The following PSME4 variants were observed in gnomAD, a reference collection of about 807,000 sequenced individuals.
PSME4 encodes proteasome activator complex subunit 4.
PSME4 carries 89 observed loss-of-function variants against 253.9 expected under a neutral mutation model. That is an observed-to-expected ratio of 0.35 (90% CI 0.30 to 0.42). The LOEUF (loss-of-function observed/expected upper bound fraction) is 0.42. Ranked by LOEUF, PSME4 falls within the 10% of genes least tolerant of loss-of-function variation. The pLI is 1.00. For synonymous variants in PSME4, 851 were observed against 759.2 expected (o/e 1.12, Z -1.99); for missense variants, 2,014 against 2,195.2 (o/e 0.92, Z 1.65).
chr2:53,903,345 T>C (rs1045269774), intron 27 of PSME4, among the ~76,000 whole-genome samples: 2 of 152,168 alleles, frequency 1.3e-5, no homozygotes, highest in Admixed American at 6.5e-5. Flanking sequence ...TTAGTAACTT[T>C]GACATTTCCT....
Position 53,899,944 on chromosome 2 carries a change from A to C in PSME4, c.3359T>G (p.Leu1120Arg). Residue 1120 changes from leucine to arginine, a missense_variant, in exon 29 of 47, where the codon CTT becomes CGT. By Grantham distance (102) the Leu-to-Arg change is moderately radical. Transcript: ENST00000404125. ...SKNPSINQIL[L>R]SPEKIKEGIK... ...TCCTTCCTTAATTTTTTCTGGGCTA[A>C]GCAATATCTGGTTGATAGAGGGGTT... The C allele has an allele frequency of 6.2e-7, 1 of 1,613,520 alleles. No individual in the cohort carries two copies. The highest frequency in any genetic ancestry group is 8.5e-7 in the Non-Finnish European group (1 of 1,179,446).
rs1337360919 is a variant in PSME4 at position 53,970,563 on chromosome 2, G to A, written c.222C>T (p.Phe74=). The change falls in exon 1 of 47, where the codon TTC becomes TTT. Residue 74 remains phenylalanine (F), a synonymous_variant. Transcript: ENST00000404125. ...CTTACGTGGAGAGTTTCCTGGTCCAGAAGAGGCCCCCGGGCCACAGCTCTT... is the reference window on the plus strand; with the variant it reads ...CTTACGTGGAGAGTTTCCTGGTCCAAAAGAGGCCCCCGGGCCACAGCTCTT... ...QLQELWPGGL[F]WTRKLSTYIR... is the part of the protein sequence containing the mutation. The A allele has an allele frequency of 6.5e-7, 1 of 1,548,300 alleles. No homozygotes were observed. Among genetic ancestry groups the A allele is most frequent in the Non-Finnish European group, 8.7e-7 (1 of 1,146,824 alleles).
At chr2:53,901,628 ACCTATG>A in intron 27 of PSME4, 69 bp from the exon 28 acceptor site, 3 of 1,292,944 alleles carry the variant, frequency 2.3e-6, no homozygotes, top group African/African-American at 3.0e-5. Flanking sequence ...TAGCCAATGC[ACCTATG>A]TATTGGTTTT....
At chr2:53,950,827 G>C (rs1669947068) in intron 1 of PSME4, among the ~76,000 whole-genome samples, 1 of 129,018 alleles carries the variant, frequency 7.8e-6, no homozygotes, top group South Asian at 2.4e-4. Context: ...GGCAACAAGA[G>C]AGAAACTCCG....
At chr2:53,880,419 A>G (rs1386509734) in intron 41 of PSME4, among the ~76,000 whole-genome samples, 3 of 152,086 alleles carry the variant, frequency 2.0e-5, no homozygotes, top group Non-Finnish European at 4.4e-5. Context: ...ACATAGCAAG[A>G]TATCATCTCT....
At chr2:53,936,262 T>C in intron 6 of PSME4, 101 bp from the exon 7 acceptor site, 4 of 1,516,226 alleles carry the variant, frequency 2.6e-6, no homozygotes, top group Non-Finnish European at 2.7e-6. Context: ...CAATCATTAG[T>C]GCAATCTACT....
At chr2:53,903,881 C>A in intron 27 of PSME4, 144 bp downstream of exon 27, 15 of 627,518 alleles carry the variant, frequency 2.4e-5, no homozygotes, top group African/African-American at 7.5e-5. Context: ...AAAAAAAGAA[C>A]AGATATGCGA....
Position 53,869,548 on chromosome 2 carries a change from T to A in PSME4, c.5101-10A>T, listed in dbSNP as rs756702513. The A allele has an allele frequency of 6.7e-7, 1 of 1,483,682 alleles. No individual in the cohort carries two copies. The highest frequency in any genetic ancestry group is 1.8e-5 in the Admixed American group (1 of 55,822). 91.9% of individuals were successfully genotyped at this position (1,483,682 alleles called of 1,614,324 possible). On this transcript the variant is annotated splice_polypyrimidine_tract_variant and intron_variant, in intron 43 of 46. Coordinates refer to ENST00000404125, the MANE Select transcript of PSME4 (RefSeq NM_014614.3). Reference sequence around the variant, plus strand: ...CAGCCATTTCTCGAACCTGTAGATATAATAATTTCTATTAGGACTGACATT... The same window carrying A: ...CAGCCATTTCTCGAACCTGTAGATAAAATAATTTCTATTAGGACTGACATT...
At chr2:53,949,407 G>T in intron 1 of PSME4, 124 bp from the exon 2 acceptor site, 1 of 514,396 alleles carries the variant, frequency 1.9e-6, no homozygotes. Context: ...AGGATGAATG[G>T]ATAAGGAAAA....
At position 53,910,116 on chromosome 2, in the gene PSME4, A is replaced by T; in HGVS notation, c.2531T>A (p.Val844Glu). 2 of 1,606,740 alleles carry T rather than the reference A, an allele frequency of 1.2e-6. No individual in the cohort carries two copies. The highest frequency in any genetic ancestry group is 1.7e-6 in the Non-Finnish European group (2 of 1,173,286). ...EPVTNLVPSM[V>E]SLEETKLYTG... ...ATACAACTTTGTCTCTTCCAAGGAC[A>T]CCATACTTGGTACTCTGTATAAAAA... is the stretch of plus-strand genomic sequence containing the variant. The change falls in exon 21 of 47, where the codon GTG (valine) becomes GAG (glutamate). Residue 844 changes from valine (V) to glutamate (E), a missense_variant. Coordinates refer to ENST00000404125, the MANE Select transcript of PSME4 (RefSeq NM_014614.3).
chr2:53,913,884 C>CT (rs761772721), intron 20 of PSME4, among the ~76,000 whole-genome samples: 10 of 152,232 alleles, frequency 6.6e-5, no homozygotes, highest in Non-Finnish European at 1.2e-4. Flanking sequence ...GGAGTAGTAA[C>CT]TGTTTCCTTT....
rs1669870658 is a variant in PSME4, at chr2:53,949,383, T to C, written c.243-100A>G. 12 of 637,904 alleles carry C rather than the reference T, an allele frequency of 1.9e-5. No individual in the cohort carries two copies. The East Asian group carries it at 3.8e-4, about 20-fold the overall frequency. The allele number at this position is 637,904 out of a possible 1,614,324, so 39.5% of individuals were successfully genotyped here. On this transcript the variant is annotated intron_variant, in intron 1 of 46. Coordinates refer to ENST00000404125, the MANE Select transcript of PSME4 (RefSeq NM_014614.3). ...TAGAAGCCAAGATGTAGATGCAACC[T>C]GAATGGCCACAGAAGGATGAATGGA... is the stretch of plus-strand genomic sequence containing the variant.
At chr2:53,907,006 A>G in intron 24 of PSME4, 138 bp from the exon 25 acceptor site, 1 of 687,506 alleles carries the variant, frequency 1.5e-6, no homozygotes, top group Non-Finnish European at 2.4e-6. Context: ...CCTTTATTCT[A>G]AAGACATCAG....
At chr2:53,925,792 G>A in intron 13 of PSME4, 103 bp from the exon 14 acceptor site, 1 of 1,284,762 alleles carries the variant, frequency 7.8e-7, no homozygotes, top group East Asian at 2.3e-5. Context: ...TCAAGTGATA[G>A]CTACTTAATT....
chr2:53,878,361 C>T (rs1042545036), intron 41 of PSME4, among the ~76,000 whole-genome samples: 1 of 152,144 alleles, frequency 6.6e-6, no homozygotes, highest in Non-Finnish European at 1.5e-5. Flanking sequence ...ATGAATGTCG[C>T]CTCAGGACCC....
chr2:53,895,460 G>T, intron 33 of PSME4, 123 bp downstream of exon 33: 1 of 974,792 alleles, frequency 1.0e-6, no homozygotes, highest in South Asian at 1.7e-5. Flanking sequence ...AAGAAAGAGA[G>T]GACTAGGGAA....
At chr2:53,924,629 TTTTA>T (rs1268513795) in intron 14 of PSME4, among the ~76,000 whole-genome samples, 4 of 152,154 alleles carry the variant, frequency 2.6e-5, no homozygotes, top group Non-Finnish European at 2.9e-5. Flanking sequence ...TGTTTCTTTT[TTTTA>T]TTTATTATAC....
chr2:53,936,090 T>A lies in PSME4; in HGVS notation c.831A>T (p.Pro277=), dbSNP rs752822488. The change falls in exon 7 of 47, where the codon CCA becomes CCT. Residue 277 remains proline, a synonymous_variant. Coordinates refer to ENST00000404125, the MANE Select transcript of PSME4 (RefSeq NM_014614.3). Reference sequence around the variant, plus strand: ...TTTTCCCCAAAATGTTAATTACCTTTGGTACATATGGATCCCAATCTATGT... The same window carrying A: ...TTTTCCCCAAAATGTTAATTACCTTAGGTACATATGGATCCCAATCTATGT... ...IGYIDWDPYV[P]KIFTRILRSL... is the part of the protein sequence containing the mutation. 1 of 1,612,006 alleles carries A rather than the reference T, an allele frequency of 6.2e-7. No homozygotes were observed. Among genetic ancestry groups the A allele is most frequent in the Admixed American group, 1.7e-5 (1 of 59,728 alleles).
At chr2:53,946,930 G>T (rs1669739352) in intron 3 of PSME4, among the ~76,000 whole-genome samples, 1 of 151,750 alleles carries the variant, frequency 6.6e-6, no homozygotes, top group African/African-American at 2.4e-5. Context: ...AGGAAGGAAG[G>T]AAGGGAGAGA....
Sources: allele counts gnomAD v4.1 joint callset (sites outside exome capture counted in the v4.1 genomes callset), GRCh38; gene constraint gnomAD v4.1.1; transcripts MANE v1.5; gene names NCBI Gene and HGNC (gene_info 2026-07-23, HGNC 2026-07-21).